Variants in TMEM117 observed in about 807,000 individuals in gnomAD.
TMEM117 encodes the protein transmembrane protein 117.
In TMEM117, 27 loss-of-function variants were observed where a neutral mutation model predicts 52.4. The ratio of observed to expected loss-of-function variants is 0.51; its 90% CI spans 0.38 to 0.71. The LOEUF is 0.71. Among genes scored for constraint, TMEM117 ranks in the 30% least tolerant of loss-of-function variants. The probability of loss-of-function intolerance (pLI) is 0.00; values close to 1 mark genes in which losing one functional copy is unlikely to be tolerated. For synonymous variants in TMEM117, 215 were observed against 206.3 expected, an observed-to-expected ratio of 1.04 and a Z score of -0.36; for missense variants, 556 against 630.5, an observed-to-expected ratio of 0.88 and a Z score of 1.26.
intron 3 of TMEM117, among the ~76,000 whole-genome samples, chr12:44,081,089 A>G (rs1026705882): frequency 3.9e-5 from 6 of 152,242 alleles, no homozygotes; most frequent in African/African-American, 1.4e-4. Context: ...ATTAAACTAT[A>G]GTATTATTTT....
chr12:44,060,739 T>C (rs2137953380), intron 3 of TMEM117, among the ~76,000 whole-genome samples: 1 of 152,298 alleles, frequency 6.6e-6, no homozygotes, highest in Non-Finnish European at 1.5e-5. Flanking sequence ...GAGCTGTATA[T>C]GTTGAAGCCA....
chr12:44,343,029 G>A (rs374202777), intron 6 of TMEM117, among the ~76,000 whole-genome samples: 6 of 151,750 alleles, frequency 4.0e-5, no homozygotes, highest in Admixed American at 1.3e-4. Context: ...GGGTTTACAG[G>A]TGCCCACCAC....
At chr12:44,102,993 T>G (rs1488567634) in intron 3 of TMEM117, among the ~76,000 whole-genome samples, 1 of 152,044 alleles carries the variant, frequency 6.6e-6, no homozygotes, top group East Asian at 1.9e-4. Context: ...CCGCCATGAT[T>G]GTAAGTTTCC....
chr12:44,067,708 A>C (rs1209152111), intron 3 of TMEM117, among the ~76,000 whole-genome samples: 1 of 152,218 alleles, frequency 6.6e-6, no homozygotes, highest in Non-Finnish European at 1.5e-5. Context: ...TATAGAGCAC[A>C]GGCAGAGTTA....
intron 7 of TMEM117, among the ~76,000 whole-genome samples, chr12:44,376,978 A>G (rs778303970): frequency 6.6e-5 from 10 of 152,166 alleles, no homozygotes; most frequent in Non-Finnish European, 1.2e-4. Context: ...GAATGGGGAA[A>G]GTGATTAAGA....
At chr12:43,900,877 A>G (rs1042862020) in intron 2 of TMEM117, among the ~76,000 whole-genome samples, 4 of 152,110 alleles carry the variant, frequency 2.6e-5, no homozygotes, top group African/African-American at 9.7e-5. Flanking sequence ...AACAATGAAA[A>G]AGGAAAAGAA....
In TMEM117 at chr12:44,116,912, A is replaced by T. The variant is rs573551693; in HGVS notation, c.411-26613A>T. The stretch of plus-strand genomic sequence containing the variant: ...ACTCTCTGCAGTAGCCTCCTAACTG[A>T]TCTAATTTTATCTCATCGTAACCTT... On this transcript the variant is annotated intron_variant, in intron 3 of 7. Transcript: ENST00000266534. 9.0e-4 allele frequency among the ~76,000 whole-genome samples: 137 copies of T among 152,198 alleles called. 1 individual carries two copies. The highest frequency in any genetic ancestry group is 2.9e-3 in the African/African-American group (119 of 41,544).
intron 2 of TMEM117, among the ~76,000 whole-genome samples, chr12:43,899,600 T>C (rs1414047600): frequency 6.7e-6 from 1 of 150,076 alleles, no homozygotes; most frequent in African/African-American, 2.4e-5. Flanking sequence ...ACAGAAGATC[T>C]TTGAAATTCA....
In TMEM117 at chr12:44,293,950, A is replaced by G. The variant is rs147364026; in HGVS notation, c.609-5630A>G. ...TAGCATCTTTTCAGTTCAATTTAGC[A>G]TTAAGTTCTACCTTCAGCATTCTTT... On this transcript the variant is annotated intron_variant, in intron 5 of 7. Transcript: ENST00000266534. Among the ~76,000 whole-genome samples, 1,047 of 152,242 alleles carry G rather than the reference A, an allele frequency of 6.9e-3. 9 individuals carry two copies. The highest frequency in any genetic ancestry group is 0.024 in the African/African-American group (998 of 41,568).
intron 5 of TMEM117, among the ~76,000 whole-genome samples, chr12:44,270,393 C>T (rs1172533109): frequency 1.3e-5 from 2 of 151,944 alleles, no homozygotes; most frequent in African/African-American, 2.4e-5. Context: ...AAAGGGGTTG[C>T]GTTCTTGATT....
intron 7 of TMEM117, among the ~76,000 whole-genome samples, chr12:44,377,575 C>T (rs190929018): frequency 5.3e-5 from 8 of 152,220 alleles, no homozygotes; most frequent in South Asian, 4.1e-4. Flanking sequence ...AAGGGCTTCC[C>T]GGAGCTACGT....
chr12:44,373,506 T>G (rs1055193085), intron 6 of TMEM117, among the ~76,000 whole-genome samples: 4 of 152,240 alleles, frequency 2.6e-5, no homozygotes, highest in Non-Finnish European at 4.4e-5. Flanking sequence ...CTTCCTTTGC[T>G]TCACTGTCAG....
chr12:44,111,719 A>C (rs1948059134), intron 3 of TMEM117, among the ~76,000 whole-genome samples: 1 of 141,740 alleles, frequency 7.1e-6, no homozygotes, highest in African/African-American at 2.9e-5. Flanking sequence ...GATGTCTATT[A>C]GGTCCGCTTG....
chr12:44,141,540 C>G (rs1592552634), intron 3 of TMEM117, among the ~76,000 whole-genome samples: 1 of 152,172 alleles, frequency 6.6e-6, no homozygotes, highest in Admixed American at 6.6e-5. Context: ...TTCTCTTATA[C>G]AAATGTATGC....
intron 5 of TMEM117, among the ~76,000 whole-genome samples, chr12:44,289,868 C>A (rs1195981440): frequency 6.6e-6 from 1 of 152,068 alleles, no homozygotes; most frequent in Admixed American, 6.6e-5. Context: ...AACACCATCA[C>A]CAACACTTGT....
chr12:43,871,824 A>G (rs1943711098), intron 2 of TMEM117, among the ~76,000 whole-genome samples: 1 of 152,250 alleles, frequency 6.6e-6, no homozygotes, highest in South Asian at 2.1e-4. Flanking sequence ...ACAGCACAGT[A>G]CTAGGCCCTA....
At chr12:44,360,818 C>T (rs1438927692) in intron 6 of TMEM117, among the ~76,000 whole-genome samples, 5 of 152,098 alleles carry the variant, frequency 3.3e-5, no homozygotes, top group African/African-American at 1.2e-4. Flanking sequence ...AATATTCTTG[C>T]TGATCTGAAG....
intron 4 of TMEM117, among the ~76,000 whole-genome samples, chr12:44,152,575 T>G (rs1330644902): frequency 8.2e-6 from 1 of 122,494 alleles, no homozygotes; most frequent in African/African-American, 3.3e-5. Context: ...TCATATAAAT[T>G]TATATATATA....
At chr12:43,977,699 G>A (rs1371927353) in intron 3 of TMEM117, among the ~76,000 whole-genome samples, 1 of 152,038 alleles carries the variant, frequency 6.6e-6, no homozygotes, top group African/African-American at 2.4e-5. Context: ...TTCTACTGTG[G>A]CCTGCCCTTG....
Sources: gnomAD v4.1 joint callset for allele counts (sites outside exome capture counted in the v4.1 genomes callset) on GRCh38, gnomAD v4.1.1 for gene constraint, MANE v1.5 for transcripts, NCBI Gene and HGNC (gene_info 2026-07-23, HGNC 2026-07-21) for gene names.